PRKG2: variants seen among roughly 807,000 people sequenced by gnomAD.
The protein encoded by PRKG2 is protein kinase cGMP-dependent 2.
Under a neutral mutation model 97.2 loss-of-function variants are expected in PRKG2, and 33 were observed. The observed-to-expected ratio is 0.34, with a 90% CI of 0.26 to 0.45. The LOEUF (loss-of-function observed/expected upper bound fraction) is 0.45. Among genes scored for constraint, PRKG2 ranks in the 20% least tolerant of loss-of-function variants. PRKG2 has a pLI of 1.00. For missense variants in PRKG2, 638 were observed against 900.0 expected, an observed-to-expected ratio of 0.71 and a Z score of 3.73; for synonymous variants, 330 against 321.8, an observed-to-expected ratio of 1.03 and a Z score of -0.27.
rs115978366 is a variant in PRKG2 at position 81,102,956 on chromosome 4, G to A, written c.2126+1414C>T. 5.4e-3 allele frequency among the ~76,000 whole-genome samples: 815 copies of A among 152,270 alleles called. 9 individuals carry two copies. The highest frequency in any genetic ancestry group is 6.4e-3 in the Non-Finnish European group (437 of 68,022). ...CATTTCTAAAAGTGAACATATCTGT[G>A]TAGTCAAAGGATTTCAATAATAAAA... On this transcript the variant is annotated intron_variant, in intron 17 of 18. Transcript: ENST00000264399.
At chr4:81,170,560 C>T (rs1388882668) in intron 4 of PRKG2, among the ~76,000 whole-genome samples, 1 of 152,094 alleles carries the variant, frequency 6.6e-6, no homozygotes, top group Non-Finnish European at 1.5e-5. Flanking sequence ...TTGCCAGAGA[C>T]TCTGATTCAG....
intron 13 of PRKG2, among the ~76,000 whole-genome samples, chr4:81,136,917 T>C (rs1277070878): frequency 6.6e-6 from 1 of 152,154 alleles, no homozygotes; most frequent in Non-Finnish European, 1.5e-5. Flanking sequence ...CACCGTGCAC[T>C]ATGAAGCCTT....
chr4:81,153,521 G>A (rs1186513633), intron 7 of PRKG2, 123 bp downstream of exon 7: 1 of 701,312 alleles, frequency 1.4e-6, no homozygotes, highest in Non-Finnish European at 2.3e-6. Flanking sequence ...GGACTCTACT[G>A]GTAGAAGCTC....
chr4:81,137,923 T>C (rs1033543073), intron 12 of PRKG2, among the ~76,000 whole-genome samples: 8 of 152,206 alleles, frequency 5.3e-5, no homozygotes, highest in South Asian at 2.1e-4. Context: ...AGTTGGTTAA[T>C]TGATGTTGGA....
chr4:81,153,620 T>C, intron 7 of PRKG2, 24 bp downstream of exon 7: 1 of 1,517,066 alleles, frequency 6.6e-7, no homozygotes, highest in Non-Finnish European at 9.1e-7. Context: ...CTTTTTTATT[T>C]AGTAAGTTTT....
chr4:81,169,404 C>G (rs755466301), intron 5 of PRKG2, among the ~76,000 whole-genome samples: 1 of 152,028 alleles, frequency 6.6e-6, no homozygotes, highest in Admixed American at 6.6e-5. Flanking sequence ...GCACATTTTT[C>G]TATGCTGTGC....
chr4:81,162,242 C>T (rs116749165), intron 6 of PRKG2, among the ~76,000 whole-genome samples: 2,261 of 152,220 alleles, frequency 0.015, 66 homozygotes, highest in African/African-American at 0.051. Flanking sequence ...GTTAATCTTA[C>T]GAAAGAGGCT....
chr4:81,093,758 A>G (rs1164899648), intron 17 of PRKG2, among the ~76,000 whole-genome samples: 1 of 152,178 alleles, frequency 6.6e-6, no homozygotes, highest in Non-Finnish European at 1.5e-5. Flanking sequence ...TCTGATCTTC[A>G]TATATTTCAA....
chr4:81,121,846 C>T (rs1474241052), intron 14 of PRKG2, among the ~76,000 whole-genome samples: 3 of 152,114 alleles, frequency 2.0e-5, no homozygotes, highest in African/African-American at 4.8e-5. Context: ...AGTAAACACC[C>T]TAGCATAGTT....
chr4:81,100,152 A>G (rs1358983004), intron 17 of PRKG2, among the ~76,000 whole-genome samples: 1 of 151,726 alleles, frequency 6.6e-6, no homozygotes, highest in Non-Finnish European at 1.5e-5. Context: ...GGTAATTTAT[A>G]GATTCAATGC....
At chr4:81,145,963 ACTGTG>A (rs1470142551) in intron 9 of PRKG2, among the ~76,000 whole-genome samples, 2 of 152,030 alleles carry the variant, frequency 1.3e-5, no homozygotes, top group African/African-American at 4.8e-5. Context: ...CATATTACCT[ACTGTG>A]CAGGGTATTT....
intron 17 of PRKG2, among the ~76,000 whole-genome samples, chr4:81,102,326 ATCACTTCTATT>A: frequency 6.6e-6 from 1 of 152,186 alleles, no homozygotes; most frequent in Non-Finnish European, 1.5e-5. Flanking sequence ...TAACAGATAT[ATCACTTCTATT>A]TCCCAGCTAT....
rs992380379 is a variant in PRKG2, at chr4:81,135,195, G to T, written c.1736C>A (p.Pro579Gln). 6.2e-7 allele frequency: 1 copy of T among 1,610,240 alleles called. No homozygotes were observed. The highest frequency in any genetic ancestry group is 8.5e-7 in the Non-Finnish European group (1 of 1,177,928). Reference sequence around the variant, plus strand: ...CTCAGCATCTAGAATTAAGTTTTCTGGTTTCAAGTCTCTGTAGATAATACC... The same window carrying T: ...CTCAGCATCTAGAATTAAGTTTTCTTGTTTCAAGTCTCTGTAGATAATACC... Reference protein sequence around the residue: ...RLGIIYRDLKPENLILDAEGY... With the variant: ...RLGIIYRDLKQENLILDAEGY... Residue 579 changes from proline to glutamine, a missense_variant, in exon 14 of 19, where the codon CCA (proline) becomes CAA (glutamine). By Grantham distance (76) the Pro-to-Gln change is moderately conservative. Coordinates refer to ENST00000264399, the MANE Select transcript of PRKG2 (RefSeq NM_006259.3).
intron 17 of PRKG2, among the ~76,000 whole-genome samples, chr4:81,093,630 G>C (rs1285076894): frequency 6.6e-6 from 1 of 152,168 alleles, no homozygotes; most frequent in Admixed American, 6.6e-5. Context: ...GTGATTGAAT[G>C]ACTCTGCAAA....
chr4:81,173,785 G>A (rs1750688177), intron 3 of PRKG2: 1 of 151,810 alleles, frequency 6.6e-6, no homozygotes, highest in Non-Finnish European at 1.5e-5. Context: ...TCACACTTAA[G>A]GCCCCAAAGG....
At chr4:81,208,673 G>C (rs1478824807) in intron 1 of PRKG2, among the ~76,000 whole-genome samples, 5 of 151,988 alleles carry the variant, frequency 3.3e-5, no homozygotes, top group African/African-American at 1.2e-4. Flanking sequence ...CCACCCTTCT[G>C]CCTCAGCCTC....
intron 8 of PRKG2, among the ~76,000 whole-genome samples, chr4:81,149,597 A>C (rs1416929342): frequency 6.6e-6 from 1 of 152,132 alleles, no homozygotes; most frequent in Non-Finnish European, 1.5e-5. Context: ...ATTATATATG[A>C]TCCAATGGTA....
At chr4:81,155,331 C>T (rs910452982) in intron 6 of PRKG2, among the ~76,000 whole-genome samples, 7 of 151,498 alleles carry the variant, frequency 4.6e-5, no homozygotes, top group African/African-American at 1.7e-4. Flanking sequence ...AGGGTATCAG[C>T]AATGGAAGAT....
At chr4:81,185,413 A>G (rs897443011) in intron 2 of PRKG2, among the ~76,000 whole-genome samples, 2 of 152,204 alleles carry the variant, frequency 1.3e-5, no homozygotes, top group African/African-American at 4.8e-5. Flanking sequence ...AATCCTTTAC[A>G]AACAAGCAAA....
Sources: gnomAD v4.1 joint callset for allele counts (sites outside exome capture counted in the v4.1 genomes callset) on GRCh38, gnomAD v4.1.1 for gene constraint, MANE v1.5 for transcripts, NCBI Gene and HGNC (gene_info 2026-07-23, HGNC 2026-07-21) for gene names.